The following TLN2 variants were observed in gnomAD, a reference collection of about 807,000 sequenced individuals.
The protein encoded by TLN2 is talin 2.
TLN2 carries 118 observed loss-of-function variants against 294.7 expected under a neutral mutation model. The observed-to-expected ratio is 0.40, with a 90% CI of 0.34 to 0.47. The LOEUF is 0.47. Ranked by LOEUF, TLN2 falls within the 20% of genes least tolerant of loss-of-function variation. TLN2 has a pLI of 0.84. For synonymous variants in TLN2, 1,431 were observed against 1,304.5 expected, an observed-to-expected ratio of 1.10 and a Z score of -2.09; for missense variants, 3,083 against 3,282.2, an observed-to-expected ratio of 0.94 and a Z score of 1.48.
chr15:62,582,195 T>TACACACACAAACAC (rs2045117376), intron 1 of TLN2, among the ~76,000 whole-genome samples: 1 of 66,474 alleles, frequency 1.5e-5, no homozygotes, highest in African/African-American at 5.6e-5. Context: ...TGTGTATGCA[T>TACACACACAAACAC]ACACACACAC....
At position 62,842,596 on chromosome 15, in the gene TLN2, G is replaced by GC. The variant is rs2070823834; in HGVS notation, c.*1990dup. On this transcript the variant is annotated 3_prime_UTR_variant, in exon 59 of 59. Transcript: ENST00000636159. ...AGGGCAGCTGCCCTCTTCTGCCTGT[G>GC]CCCCATCCCATCCTGAAAACCCAGG... 6.8e-6 allele frequency: 1 copy of GC among 147,396 alleles called. No homozygotes were observed. Among genetic ancestry groups the GC allele is most frequent in the African/African-American group, 2.5e-5 (1 of 39,894 alleles). The allele number at this position is 147,396 out of a possible 1,614,324, so 9.1% of individuals were successfully genotyped here. A position where few individuals can be genotyped will look rare whatever the true frequency, so the allele number is the denominator to read the frequency against.
chr15:62,578,788 C>T (rs941502455), intron 1 of TLN2, among the ~76,000 whole-genome samples: 12 of 152,254 alleles, frequency 7.9e-5, no homozygotes, highest in East Asian at 5.8e-4. Flanking sequence ...GCCCTGGCAT[C>T]GGCCTTTTAC....
intron 2 of TLN2, among the ~76,000 whole-genome samples, chr15:62,607,747 G>A (rs1342137696): frequency 1.3e-5 from 2 of 151,870 alleles, no homozygotes; most frequent in African/African-American, 4.8e-5. Context: ...TTTTGTGTGT[G>A]TGTGCACAAG....
At chr15:62,590,307 C>G (rs2045979699) in intron 2 of TLN2, among the ~76,000 whole-genome samples, 1 of 152,172 alleles carries the variant, frequency 6.6e-6, no homozygotes, top group South Asian at 2.1e-4. Context: ...TCTCCCTCTT[C>G]CCAACCTCCA....
chr15:62,517,599 A>C (rs2040246778), intron 1 of TLN2, among the ~76,000 whole-genome samples: 1 of 152,312 alleles, frequency 6.6e-6, no homozygotes, highest in East Asian at 1.9e-4. Flanking sequence ...TTTTGTAAAC[A>C]AAAAAATGAC....
At chr15:62,559,461 G>A (rs2042790437) in intron 1 of TLN2, among the ~76,000 whole-genome samples, 1 of 152,172 alleles carries the variant, frequency 6.6e-6, no homozygotes, top group East Asian at 1.9e-4. Flanking sequence ...TCTCTTCTAA[G>A]CAGCTTTGTT....
chr15:62,681,961 C>T (rs1019564929), intron 11 of TLN2, among the ~76,000 whole-genome samples: 1 of 152,036 alleles, frequency 6.6e-6, no homozygotes, highest in African/African-American at 2.4e-5. Context: ...CCTTATGTTG[C>T]TCAGTCTGGT....
chr15:62,570,697 T>C (rs1441834739), intron 1 of TLN2, among the ~76,000 whole-genome samples: 19 of 152,198 alleles, frequency 1.2e-4, no homozygotes, highest in Admixed American at 1.1e-3. Flanking sequence ...CATCAGAGGA[T>C]GTTTAGCAGC....
At chr15:62,403,579 C>A (rs1012867898) in intron 1 of TLN2, among the ~76,000 whole-genome samples, 1 of 152,162 alleles carries the variant, frequency 6.6e-6, no homozygotes, top group Admixed American at 6.5e-5. Context: ...GTGGTACAAT[C>A]CAGTGGCTAA....
At chr15:62,659,819 G>A (rs1243674506) in intron 9 of TLN2, among the ~76,000 whole-genome samples, 1 of 152,158 alleles carries the variant, frequency 6.6e-6, no homozygotes, top group African/African-American at 2.4e-5. Flanking sequence ...TTTACTTAAT[G>A]TAGATATTTA....
chr15:62,826,717 A>AAC (rs2068237033), intron 54 of TLN2, among the ~76,000 whole-genome samples: 1 of 8,182 alleles, frequency 1.2e-4, no homozygotes, highest in African/African-American at 3.8e-4. Flanking sequence ...TTGCAACAAC[A>AAC]AAAAAAAAAG....
In TLN2 at chr15:62,612,620, G is replaced by A. The variant is rs1596339627; in HGVS notation, c.-161-5731G>A. ...AGCAGTCTGAGATACAGTGGATAAT[G>A]AGCCTGCTTGTTCGTGAGATTTTTT... On this transcript the variant is annotated intron_variant, in intron 2 of 58. Coordinates refer to ENST00000636159, the MANE Select transcript of TLN2 (RefSeq NM_015059.3). Among the ~76,000 whole-genome samples the A allele has an allele frequency of 2.0e-5, 3 of 152,174 alleles. No homozygotes were observed. In the East Asian group the frequency reaches 5.8e-4, roughly 29 times the overall value.
intron 1 of TLN2, among the ~76,000 whole-genome samples, chr15:62,405,821 A>T (rs1282178773): frequency 6.6e-6 from 1 of 152,142 alleles, no homozygotes; most frequent in African/African-American, 2.4e-5. Context: ...AAGGATGGTA[A>T]ATTGTTGGCT....
intron 3 of TLN2, among the ~76,000 whole-genome samples, chr15:62,621,726 G>A (rs2048847758): frequency 6.6e-6 from 1 of 152,222 alleles, no homozygotes; most frequent in Non-Finnish European, 1.5e-5. Flanking sequence ...CTTATTTGCT[G>A]CGAAGAGCTC....
chr15:62,573,424 G>A (rs553870391), intron 1 of TLN2, among the ~76,000 whole-genome samples: 4 of 152,132 alleles, frequency 2.6e-5, no homozygotes, highest in Non-Finnish European at 4.4e-5. Flanking sequence ...ACCTTGGCTC[G>A]GCCCTCTTCC....
chr15:62,730,029 CTTTTTTTT>C (rs11368681), intron 28 of TLN2, among the ~76,000 whole-genome samples: 4 of 121,174 alleles, frequency 3.3e-5, no homozygotes, highest in Non-Finnish European at 4.8e-5. Flanking sequence ...TTATTGTTGT[CTTTTTTTT>C]TTTTTTTTTT....
intron 5 of TLN2, among the ~76,000 whole-genome samples, chr15:62,651,053 A>G (rs1049622266): frequency 1.3e-5 from 2 of 152,244 alleles, no homozygotes; most frequent in African/African-American, 2.4e-5. Context: ...ATGTATTTAT[A>G]GTAAAAATTA....
intron 1 of TLN2, among the ~76,000 whole-genome samples, chr15:62,418,463 G>A (rs1236880739): frequency 1.3e-5 from 2 of 152,178 alleles, no homozygotes; most frequent in East Asian, 3.8e-4. Context: ...AATGGTTATT[G>A]AACACTTGAA....
chr15:62,689,068 C>CTTTTTT (rs796645804), intron 12 of TLN2, among the ~76,000 whole-genome samples: 1 of 116,628 alleles, frequency 8.6e-6, no homozygotes, highest in Non-Finnish European at 1.8e-5. Context: ...TTCTCTCTCT[C>CTTTTTT]TTTTTTTTTT....
Sources: gnomAD v4.1 joint callset for allele counts (sites outside exome capture counted in the v4.1 genomes callset) on GRCh38, gnomAD v4.1.1 for gene constraint, MANE v1.5 for transcripts, NCBI Gene and HGNC (gene_info 2026-07-23, HGNC 2026-07-21) for gene names.